CFAP52: variants seen among roughly 807,000 people sequenced by gnomAD.
CFAP52 encodes the protein cilia- and flagella-associated protein 52.
Under a neutral mutation model 70.5 loss-of-function variants are expected in CFAP52, and 57 were observed. That is an observed-to-expected ratio of 0.81 (90% CI 0.65 to 1.01). The LOEUF (loss-of-function observed/expected upper bound fraction) is 1.01. Ranked by LOEUF, CFAP52 falls within the 50% of genes least tolerant of loss-of-function variation. The pLI is 0.00. For synonymous variants in CFAP52, 267 were observed against 292.5 expected, an observed-to-expected ratio of 0.91 and a Z score of 0.89; for missense variants, 785 against 788.5, an observed-to-expected ratio of 1.00 and a Z score of 0.05.
intron 6 of CFAP52, among the ~76,000 whole-genome samples, chr17:9,600,878 C>T (rs555288875): frequency 2.9e-4 from 44 of 152,218 alleles, no homozygotes; most frequent in African/African-American, 9.6e-4. Flanking sequence ...TTCTCTATGC[C>T]CTCGTCTCTG....
intron 8 of CFAP52, among the ~76,000 whole-genome samples, chr17:9,623,007 A>G (rs1910107329): frequency 6.6e-6 from 1 of 152,008 alleles, no homozygotes. Context: ...CTCCTTATTG[A>G]TTTTTAGTCC....
intron 5 of CFAP52, 78 bp from the exon 6 acceptor site, chr17:9,599,989 C>T: frequency 8.3e-7 from 1 of 1,202,588 alleles, no homozygotes; most frequent in Non-Finnish European, 1.2e-6. Flanking sequence ...GATCCACCCG[C>T]CTCGGCCTCC....
Position 9,641,795 on chromosome 17 carries a change from T to C in CFAP52, c.1647T>C (p.Asn549=). ...AAGGTTCCCTGTCTGGGTCGATAAATGGCATGGATATCACACAGGAAGGGG... is the reference window on the plus strand; with the variant it reads ...AAGGTTCCCTGTCTGGGTCGATAAACGGCATGGATATCACACAGGAAGGGG... ...ELEGSLSGSI[N]GMDITQEGVH... The change falls in exon 13 of 14, where the codon AAT becomes AAC. Residue 549 remains asparagine, a synonymous_variant. Transcript: ENST00000352665. 16 of 1,613,960 alleles carry C rather than the reference T, an allele frequency of 9.9e-6. No homozygotes were observed. Among genetic ancestry groups the C allele is most frequent in the Non-Finnish European group, 1.4e-5 (16 of 1,179,890 alleles).
At position 9,643,337 on chromosome 17, in the gene CFAP52, A is replaced by G; in HGVS notation, c.*139A>G. 1.5e-6 allele frequency: 1 copy of G among 657,662 alleles called. No individual in the cohort carries two copies. Among genetic ancestry groups the G allele is most frequent in the Non-Finnish European group, 2.2e-6 (1 of 450,408 alleles). The allele number at this position is 657,662 out of a possible 1,614,324, so 40.7% of individuals were successfully genotyped here. ...CAATTTTTCTCTTTTTCTTTATAGA[A>G]TGCATTTTATATTCTTAAATTGCAT... On this transcript the variant is annotated 3_prime_UTR_variant, in exon 14 of 14. Coordinates refer to ENST00000352665, the MANE Select transcript of CFAP52 (RefSeq NM_145054.5).
At chr17:9,617,019 GAGA>G (rs1909953759) in intron 8 of CFAP52, among the ~76,000 whole-genome samples, 1 of 87,678 alleles carries the variant, frequency 1.1e-5, no homozygotes, top group Non-Finnish European at 2.0e-5. Context: ...GACGAGCTGA[GAGA>G]AGAAGGCTTC....
chr17:9,604,805 A>AT (rs1909419343), intron 6 of CFAP52, among the ~76,000 whole-genome samples: 1 of 151,616 alleles, frequency 6.6e-6, no homozygotes, highest in Non-Finnish European at 1.5e-5. Flanking sequence ...AAATAAATAA[A>AT]AGAAGATATA....
At chr17:9,600,731 A>AT (rs1479087430) in intron 6 of CFAP52, among the ~76,000 whole-genome samples, 1 of 151,948 alleles carries the variant, frequency 6.6e-6, no homozygotes. Flanking sequence ...CGCCCAGCTA[A>AT]TTTTTTTGTA....
At chr17:9,608,728 T>C (rs1377106212) in intron 7 of CFAP52, among the ~76,000 whole-genome samples, 1 of 152,190 alleles carries the variant, frequency 6.6e-6, no homozygotes, top group Non-Finnish European at 1.5e-5. Context: ...CTCATTTAAT[T>C]AAAATAAAAT....
intron 8 of CFAP52, among the ~76,000 whole-genome samples, chr17:9,616,078 T>C (rs1216429374): frequency 1.9e-4 from 29 of 149,490 alleles, no homozygotes; most frequent in Admixed American, 4.0e-4. Flanking sequence ...TGCATTTCCA[T>C]CTGAGGTACC....
At chr17:9,631,058 G>GAAAGAAAGAAAGA (rs1910501880) in intron 9 of CFAP52, among the ~76,000 whole-genome samples, 1 of 115,676 alleles carries the variant, frequency 8.6e-6, no homozygotes, top group African/African-American at 3.7e-5. Context: ...GAGAGAGAAA[G>GAAAGAAAGAAAGA]AAAGAAAGAA....
intron 9 of CFAP52, among the ~76,000 whole-genome samples, chr17:9,631,015 A>C: frequency 1.6e-5 from 1 of 63,566 alleles, no homozygotes; most frequent in South Asian, 7.3e-4. Flanking sequence ...AGAAAGAAAG[A>C]AAGAAAGAAA....
rs374020468 is a variant in CFAP52 at position 9,612,362 on chromosome 17, A to G, written c.908A>G (p.His303Arg). Reference protein sequence around the residue: ...ITSITLRGEGHQFLVGTEESH... With the variant: ...ITSITLRGEGRQFLVGTEESH... ...TCTATCACACTTCGAGGAGAAGGAC[A>G]CCAGTTTCTCGTAGGAACAGAAGAA... The change falls in exon 8 of 14, where the codon CAC becomes CGC. Residue 303 changes from histidine to arginine, a missense_variant. Transcript: ENST00000352665. 1.3e-5 allele frequency: 21 copies of G among 1,614,072 alleles called. No homozygotes were observed. In the African/African-American group the frequency reaches 2.7e-4, roughly 21 times the overall value.
At chr17:9,577,349 G>C (rs1908005229) in intron 1 of CFAP52, among the ~76,000 whole-genome samples, 1 of 152,326 alleles carries the variant, frequency 6.6e-6, no homozygotes, top group South Asian at 2.1e-4. Context: ...GGGGACGCCA[G>C]GGGGAGCTAA....
chr17:9,605,892 A>G (rs146584137), intron 6 of CFAP52, among the ~76,000 whole-genome samples: 7 of 152,184 alleles, frequency 4.6e-5, no homozygotes, highest in African/African-American at 1.7e-4. Context: ...CCTAATGTAC[A>G]CAATGGATTT....
At chr17:9,636,488 A>G (rs574418150) in intron 11 of CFAP52, among the ~76,000 whole-genome samples, 1 of 152,258 alleles carries the variant, frequency 6.6e-6, no homozygotes, top group African/African-American at 2.4e-5. Flanking sequence ...GGAGTAACTC[A>G]AAGGATTTTT....
chr17:9,581,668 C>A (rs549222881), intron 1 of CFAP52, among the ~76,000 whole-genome samples: 1 of 151,960 alleles, frequency 6.6e-6, no homozygotes, highest in South Asian at 2.1e-4. Context: ...AGTGGACATG[C>A]GTAGTTTTGG....
At chr17:9,586,868 A>AT (rs749539026) in intron 3 of CFAP52, 34 bp downstream of exon 3, 93 of 1,550,464 alleles carry the variant, frequency 6.0e-5, no homozygotes, top group East Asian at 5.8e-4. Context: ...TATTTTCTTT[A>AT]TTTTTTTTAA....
chr17:9,591,525 G>A (rs1908761570), intron 3 of CFAP52, among the ~76,000 whole-genome samples: 1 of 152,068 alleles, frequency 6.6e-6, no homozygotes, highest in African/African-American at 2.4e-5. Flanking sequence ...CAGATGTGCT[G>A]GAATCTATTT....
chr17:9,581,033 G>A (rs911281824), intron 1 of CFAP52, among the ~76,000 whole-genome samples: 10 of 152,094 alleles, frequency 6.6e-5, no homozygotes, highest in Admixed American at 2.6e-4. Flanking sequence ...AAAAAACTAC[G>A]TGGCCAGGCG....
Sources: gnomAD v4.1 joint callset for allele counts (sites outside exome capture counted in the v4.1 genomes callset) on GRCh38, gnomAD v4.1.1 for gene constraint, MANE v1.5 for transcripts, NCBI Gene and HGNC (gene_info 2026-07-23, HGNC 2026-07-21) for gene names.